Variants in MDN1 observed in about 807,000 individuals in gnomAD.
MDN1 encodes the protein midasin.
Under a neutral mutation model 669.2 loss-of-function variants are expected in MDN1, and 266 were observed. The ratio of observed to expected loss-of-function variants is 0.40; its 90% CI spans 0.36 to 0.44. The LOEUF (loss-of-function observed/expected upper bound fraction) is 0.44. MDN1 is among the 20% of genes least tolerant of loss of function. The pLI is 1.00. For synonymous variants in MDN1, 2,385 were observed against 2,457.1 expected (o/e 0.97, Z 0.87); for missense variants, 5,940 against 6,754.0 (o/e 0.88, Z 4.22).
At position 89,743,733 on chromosome 6, in the gene MDN1, T is replaced by C. The variant is rs1270686285; in HGVS notation, c.4179-19A>G. 2 of 1,610,086 alleles carry C rather than the reference T, an allele frequency of 1.2e-6. No homozygotes were observed. The highest frequency in any genetic ancestry group is 3.4e-5 in the Admixed American group (2 of 59,324). ...CCCACACCTGTTAGAGATGTGCAAC[T>C]GATTAACAAGGCATGTGTTTCAAAT... On this transcript the variant is annotated intron_variant, in intron 29 of 101. Transcript: ENST00000369393.
intron 33 of MDN1, among the ~76,000 whole-genome samples, chr6:89,733,639 A>G (rs953757052): frequency 6.6e-6 from 1 of 151,946 alleles, no homozygotes; most frequent in Non-Finnish European, 1.5e-5. Flanking sequence ...TTACAAAAAA[A>G]AAAAAACTCT....
intron 31 of MDN1, among the ~76,000 whole-genome samples, chr6:89,740,871 AAG>A (rs1816255956): frequency 6.6e-6 from 1 of 152,220 alleles, no homozygotes; most frequent in South Asian, 2.1e-4. Context: ...AGAGACAAAA[AAG>A]AGATTAATCA....
At chr6:89,648,615 C>A (rs1239688404) in intron 97 of MDN1, among the ~76,000 whole-genome samples, 1 of 151,834 alleles carries the variant, frequency 6.6e-6, no homozygotes, top group Admixed American at 6.6e-5. Flanking sequence ...CACCTGTAAT[C>A]CCAGCACTTT....
Position 89,708,685 on chromosome 6 carries a change from G to A in MDN1, c.7766-57C>T. 4 of 1,568,056 alleles carry A rather than the reference G, an allele frequency of 2.6e-6. No homozygotes were observed. In the South Asian group the frequency reaches 4.5e-5, roughly 18 times the overall value. The stretch of plus-strand genomic sequence containing the variant: ...GAAATATTGGAGAAACTCCTTGCCT[G>A]GGAAGTTTCAGTTGAATATTTTCAT... On this transcript the variant is annotated intron_variant, in intron 50 of 101. Coordinates refer to ENST00000369393, the MANE Select transcript of MDN1 (RefSeq NM_014611.3).
rs1354399741 is a variant in MDN1 at position 89,743,191 on chromosome 6, C to T, written c.4407G>A (p.Glu1469=). The stretch of plus-strand genomic sequence containing the variant: ...AGACAGAGTCATCGGCCAATGAGAT[C>T]TCATCCAAGAGGAAAAAGCCGTCCT... ...MKEDGFFLLD[E]ISLADDSVLE... is the part of the protein sequence containing the mutation. Residue 1469 remains glutamate, a synonymous_variant, in exon 31 of 102, where the codon GAG becomes GAA. Transcript: ENST00000369393. 2 of 1,614,160 alleles carry T rather than the reference C, an allele frequency of 1.2e-6. No homozygotes were observed. The highest frequency in any genetic ancestry group is 4.5e-5 in the East Asian group (2 of 44,878).
In MDN1 at chr6:89,650,090, T is replaced by G. The variant is rs1339703429; in HGVS notation, c.16140A>C (p.Lys5380Asn). The G allele has an allele frequency of 6.2e-7, 1 of 1,614,114 alleles. No individual in the cohort carries two copies. Among genetic ancestry groups the G allele is most frequent in the Non-Finnish European group, 8.5e-7 (1 of 1,180,016 alleles). Residue 5380 changes from lysine to asparagine, a missense_variant, in exon 97 of 102, where the codon AAA becomes AAC. By Grantham distance (94) the Lys-to-Asn change is moderately conservative. Around this residue, in one of 5 missense-constraint regions of MDN1, gnomAD observed 2,280 missense variants for 2,576.3 expected, o/e 0.88. Coordinates refer to ENST00000369393, the MANE Select transcript of MDN1 (RefSeq NM_014611.3). ...TAGCCAAACAAATCTGATACTGGCG[T>G]TTACTGGGCTTGGTCCTTCGAAGCC... ...KIWLRRTKPS[K>N]RQYQICLAID... is the part of the protein sequence containing the mutation.
intron 74 of MDN1, among the ~76,000 whole-genome samples, chr6:89,679,521 G>A (rs1439301327): frequency 6.6e-6 from 1 of 152,158 alleles, no homozygotes; most frequent in Non-Finnish European, 1.5e-5. Flanking sequence ...CCTTTAGAGA[G>A]GTAATGAAGG....
At chr6:89,778,520 T>A (rs1177052755) in intron 11 of MDN1, among the ~76,000 whole-genome samples, 2 of 152,070 alleles carry the variant, frequency 1.3e-5, no homozygotes, top group Non-Finnish European at 2.9e-5. Flanking sequence ...TCCCTACATA[T>A]TCCTGGGGGA....
At position 89,728,843 on chromosome 6, in the gene MDN1, G is replaced by A. The variant is rs1815396317; in HGVS notation, c.5349+88C>T. The A allele has an allele frequency of 7.6e-6, 10 of 1,318,240 alleles. No individual in the cohort carries two copies. In the South Asian group the frequency reaches 1.1e-4, roughly 14 times the overall value. The allele number at this position is 1,318,240 out of a possible 1,614,324, so 81.7% of individuals were successfully genotyped here. A position where few individuals can be genotyped will look rare whatever the true frequency, so the allele number is the denominator to read the frequency against. The stretch of plus-strand genomic sequence containing the variant: ...AGAAAAATTTGAGGATACTGATAAT[G>A]TAATCATTTCTGATTAGGCAAATAT... On this transcript the variant is annotated intron_variant, in intron 36 of 101. Coordinates refer to ENST00000369393, the MANE Select transcript of MDN1 (RefSeq NM_014611.3).
chr6:89,699,483 C>G, intron 58 of MDN1, 118 bp downstream of exon 58: 8 of 1,213,448 alleles, frequency 6.6e-6, no homozygotes, highest in Non-Finnish European at 8.9e-6. Context: ...TTCAAAAAAA[C>G]CTGAGGTTTC....
chr6:89,741,874 G>A (rs1816316149), intron 31 of MDN1, among the ~76,000 whole-genome samples: 1 of 152,210 alleles, frequency 6.6e-6, no homozygotes, highest in East Asian at 1.9e-4. Flanking sequence ...GCAGAGGCAG[G>A]AGGATCACTT....
chr6:89,770,286 C>T (rs1197351251), intron 15 of MDN1, among the ~76,000 whole-genome samples: 3 of 151,304 alleles, frequency 2.0e-5, no homozygotes, highest in South Asian at 2.1e-4. Flanking sequence ...TGCCTGTAGT[C>T]GCAGCTACTC....
intron 1 of MDN1, among the ~76,000 whole-genome samples, chr6:89,810,652 C>A (rs956472516): frequency 6.6e-6 from 1 of 152,102 alleles, no homozygotes; most frequent in South Asian, 2.1e-4. Flanking sequence ...ATATGTATTT[C>A]TGTCATCGCC....
chr6:89,668,211 T>C, intron 83 of MDN1, 60 bp from the exon 84 acceptor site: 1 of 1,593,916 alleles, frequency 6.3e-7, no homozygotes, highest in Non-Finnish European at 8.6e-7. Context: ...AAAAGGAGAT[T>C]TCATTCTTGC....
intron 17 of MDN1, 143 bp downstream of exon 17, chr6:89,761,502 C>T (rs1817545623): frequency 4.0e-6 from 2 of 501,512 alleles, no homozygotes; most frequent in East Asian, 3.2e-5. Flanking sequence ...TTATAATTGC[C>T]ATAATTACCA....
intron 73 of MDN1, among the ~76,000 whole-genome samples, chr6:89,681,745 A>G (rs532780299): frequency 6.6e-6 from 1 of 152,332 alleles, no homozygotes; most frequent in South Asian, 2.1e-4. Context: ...AAAATAGCTT[A>G]AGGACTTTCA....
At position 89,673,471 on chromosome 6, in the gene MDN1, G is replaced by C. The variant is rs748948435; in HGVS notation, c.13248-9C>G. On this transcript the variant is annotated splice_polypyrimidine_tract_variant and intron_variant, in intron 79 of 101. Coordinates refer to ENST00000369393, the MANE Select transcript of MDN1 (RefSeq NM_014611.3). ...AAACTTCAAAATCTTTCCTGCAACA[G>C]AAATGCCACAATGTTGAAAGGAATG... 6.2e-7 allele frequency: 1 copy of C among 1,612,852 alleles called. No homozygotes were observed. Among genetic ancestry groups the C allele is most frequent in the Non-Finnish European group, 8.5e-7 (1 of 1,178,996 alleles).
In MDN1 at chr6:89,819,558, G is replaced by A. The variant is rs1244884320; in HGVS notation, c.50C>T (p.Ala17Val). ...ACTGCGGCTCTTCTCGTTCTTGGCT[G>A]CGATTAACCGCAGCGGCGCGGCTGC... ...EVAAAPLRLI[A>V]AKNEKSRSEL... is the part of the protein sequence containing the mutation. The change falls in exon 1 of 102, where the codon GCA becomes GTA. Residue 17 changes from alanine (A) to valine (V), a missense_variant. Physicochemically the swap from Ala to Val is moderately conservative, Grantham distance 64. This residue lies in a region of MDN1 where 1,203 missense variants were observed against 1,268.9 expected (regional missense o/e 0.95). Transcript: ENST00000369393. The A allele has an allele frequency of 4.4e-6, 7 of 1,604,310 alleles. No homozygotes were observed. The East Asian group carries it at 1.3e-4, about 31-fold the overall frequency.
chr6:89,694,707 C>CTT (rs78727881), intron 61 of MDN1, among the ~76,000 whole-genome samples: 2 of 142,298 alleles, frequency 1.4e-5, no homozygotes, highest in Admixed American at 7.1e-5. Flanking sequence ...CCACACCCAG[C>CTT]TTTTTTTTTT....
Sources: allele counts gnomAD v4.1 joint callset (sites outside exome capture counted in the v4.1 genomes callset), GRCh38; gene constraint gnomAD v4.1.1; regional missense constraint gnomAD v4.1.1; transcripts MANE v1.5; gene names NCBI Gene and HGNC (gene_info 2026-07-23, HGNC 2026-07-21).